The following CFAP47 variants were observed in gnomAD, a reference collection of about 807,000 sequenced individuals.
The protein encoded by CFAP47 is cilia and flagella associated protein 47, also known as cilia- and flagella-associated protein 47.
A neutral mutation model predicts 148.1 loss-of-function variants in CFAP47; 29 were observed. The observed-to-expected ratio is 0.20, with a 90% CI of 0.15 to 0.27. CFAP47 has a LOEUF of 0.27. Among genes scored for constraint, CFAP47 ranks in the 10% least tolerant of loss-of-function variants. CFAP47 has a pLI of 1.00. For synonymous variants in CFAP47, 664 were observed against 577.3 expected (o/e 1.15, Z -2.15); for missense variants, 1,872 against 1,697.5 (o/e 1.10, Z -1.81).
At chrX:36,104,248 A>G (rs1261271634) in intron 32 of CFAP47, among the ~76,000 whole-genome samples, 2 of 112,111 alleles carry the variant, frequency 1.8e-5, no homozygotes, top group African/African-American at 6.5e-5. Context: ...TAAATGTACA[A>G]TAAGCCTCTT....
chrX:36,035,986 A>G (rs1463746690), intron 24 of CFAP47, 132 bp downstream of exon 24: 3 of 244,275 alleles, frequency 1.2e-5, no homozygotes, highest in Non-Finnish European at 2.2e-5. Context: ...AAATAATACA[A>G]TTTTATTAAT....
At position 36,319,229 on chromosome X, in the gene CFAP47, C is replaced by A; in HGVS notation, c.8365C>A (p.Leu2789Ile). The change falls in exon 57 of 64, where the codon CTT (leucine) becomes ATT (isoleucine). Residue 2789 changes from leucine (L) to isoleucine (I), a missense_variant. Physicochemically the swap from Leu to Ile is conservative, Grantham distance 5. Coordinates refer to ENST00000378653, the MANE Select transcript of CFAP47 (RefSeq NM_001304548.2). ...ILTSVEHPRN[L>I]VMDHCWDSFI... Reference sequence around the variant, plus strand: ...ATTAGGTGTGGAACATCCCAGGAATCTTGTCATGGATCATTGCTGGGATAG... The same window carrying A: ...ATTAGGTGTGGAACATCCCAGGAATATTGTCATGGATCATTGCTGGGATAG... The A allele has an allele frequency of 9.0e-7, 1 of 1,113,955 alleles. No homozygotes were observed. The highest frequency in any genetic ancestry group is 1.2e-6 in the Non-Finnish European group (1 of 836,074). 91.8% of individuals were successfully genotyped at this position (1,113,955 alleles called of 1,213,427 possible).
intron 57 of CFAP47, among the ~76,000 whole-genome samples, chrX:36,345,164 A>G (rs1941686609): frequency 9.0e-6 from 1 of 111,723 alleles, no homozygotes; most frequent in Admixed American, 9.6e-5. Context: ...GTGTGTTTAT[A>G]TTAATTAACT....
chrX:36,167,155 T>C (rs1939501831), intron 39 of CFAP47, among the ~76,000 whole-genome samples: 1 of 112,210 alleles, frequency 8.9e-6, no homozygotes, highest in South Asian at 3.7e-4. Flanking sequence ...TTTGTTGATC[T>C]ACCAATCTCC....
intron 39 of CFAP47, among the ~76,000 whole-genome samples, chrX:36,174,057 G>C (rs1334772733): frequency 1.9e-5 from 2 of 108,062 alleles, no homozygotes; most frequent in Non-Finnish European, 3.8e-5. Context: ...TTATGTAATG[G>C]CCTTCTTTGT....
At chrX:36,070,152 C>T (rs1474185261) in intron 27 of CFAP47, among the ~76,000 whole-genome samples, 1 of 111,931 alleles carries the variant, frequency 8.9e-6, no homozygotes, top group Non-Finnish European at 1.9e-5. Context: ...TGAAAGAGTG[C>T]AAGAAACTTA....
intron 43 of CFAP47, among the ~76,000 whole-genome samples, chrX:36,200,962 C>T (rs952222103): frequency 1.8e-5 from 2 of 109,560 alleles, no homozygotes; most frequent in Admixed American, 9.8e-5. Flanking sequence ...ACATTTATGT[C>T]TACTCTCCCC....
chrX:36,099,707 T>A (rs1305492962), intron 31 of CFAP47, 44 bp from the exon 32 acceptor site: 1 of 615,246 alleles, frequency 1.6e-6, no homozygotes, highest in Admixed American at 3.1e-5. Context: ...ATGCTAAATT[T>A]GCCTTAAATT....
intron 62 of CFAP47, among the ~76,000 whole-genome samples, chrX:36,370,429 A>G (rs1941920995): frequency 9.1e-6 from 1 of 109,900 alleles, no homozygotes; most frequent in African/African-American, 3.3e-5. Context: ...ACATGAACTC[A>G]TCCTTTTTTA....
At chrX:36,211,164 A>G (rs1940095753) in intron 45 of CFAP47, 1 of 260,188 alleles carries the variant, frequency 3.8e-6, no homozygotes. Context: ...CATCATATGC[A>G]TTTTTTGTGC....
At chrX:36,215,206 G>A (rs781958336) in intron 45 of CFAP47, among the ~76,000 whole-genome samples, 2 of 111,506 alleles carry the variant, frequency 1.8e-5, no homozygotes, top group African/African-American at 3.3e-5. Context: ...GTGCATGACT[G>A]TATATGCATC....
At chrX:35,959,635 T>C (rs1185354005) in intron 8 of CFAP47, among the ~76,000 whole-genome samples, 1 of 111,180 alleles carries the variant, frequency 9.0e-6, no homozygotes, top group Non-Finnish European at 1.9e-5. Context: ...GGTGAAACCC[T>C]GTCTCTACTA....
chrX:36,301,176 G>C lies in CFAP47; in HGVS notation c.7967G>C (p.Gly2656Ala). The C allele has an allele frequency of 9.1e-7, 1 of 1,094,717 alleles. No individual in the cohort carries two copies. 90.2% of individuals were successfully genotyped at this position (1,094,717 alleles called of 1,213,427 possible). ...ATGCCAGAAATACAGTGCGACCTTG[G>C]CAAGTAAGTTCTACTTAATAGATAA... ...TTMPEIQCDL[G>A]KHVTQIIPLV... The change falls in exon 53 of 64, where the codon GGC becomes GCC. Residue 2656 changes from glycine to alanine, a missense_variant. By Grantham distance (60) the Gly-to-Ala change is moderately conservative. Transcript: ENST00000378653.
chrX:36,380,478 G>A (rs1220923466), intron 63 of CFAP47, among the ~76,000 whole-genome samples: 1 of 112,020 alleles, frequency 8.9e-6, no homozygotes. Context: ...GAGTCTCGCT[G>A]TGTTGCCCAG....
At chrX:36,196,105 T>C (rs1390020018) in intron 42 of CFAP47, among the ~76,000 whole-genome samples, 1 of 111,705 alleles carries the variant, frequency 9.0e-6, no homozygotes, top group Non-Finnish European at 1.9e-5. Flanking sequence ...ATACAAATCT[T>C]TTCATGAGTC....
intron 40 of CFAP47, among the ~76,000 whole-genome samples, chrX:36,180,903 T>C: frequency 8.9e-6 from 1 of 112,045 alleles, no homozygotes; most frequent in Non-Finnish European, 1.9e-5. Flanking sequence ...TTGCAGGTAT[T>C]TTATGTTAAT....
intron 58 of CFAP47, 100 bp from the exon 59 acceptor site, chrX:36,349,938 C>G (rs782042692): frequency 9.3e-5 from 43 of 464,422 alleles, no homozygotes; most frequent in Non-Finnish European, 1.3e-4. Context: ...TCTGAATTTA[C>G]AAGCTTTACT....
At chrX:36,168,016 T>G (rs1167785255) in intron 39 of CFAP47, among the ~76,000 whole-genome samples, 1 of 105,505 alleles carries the variant, frequency 9.5e-6, no homozygotes, top group East Asian at 2.8e-4. Context: ...GTTATTAAGA[T>G]AGCCACTCCA....
intron 30 of CFAP47, among the ~76,000 whole-genome samples, chrX:36,086,622 T>TA (rs1938093180): frequency 8.9e-6 from 1 of 111,792 alleles, no homozygotes; most frequent in Non-Finnish European, 1.9e-5. Context: ...TTTGAGTCCC[T>TA]AGTGATACTG....
Sources: gnomAD v4.1 joint callset for allele counts (sites outside exome capture counted in the v4.1 genomes callset) on GRCh38, gnomAD v4.1.1 for gene constraint, MANE v1.5 for transcripts, NCBI Gene and HGNC (gene_info 2026-07-23, HGNC 2026-07-21) for gene names.